Variants in CAMK1D observed in about 807,000 individuals in gnomAD.
The protein encoded by CAMK1D is calcium/calmodulin dependent protein kinase ID, also known as calcium/calmodulin-dependent protein kinase type 1D.
A neutral mutation model predicts 47.7 loss-of-function variants in CAMK1D; 9 were observed. The observed-to-expected ratio is 0.19, with a 90% CI of 0.11 to 0.33. CAMK1D has a LOEUF of 0.33. Among genes scored for constraint, CAMK1D ranks in the 10% least tolerant of loss-of-function variants. The pLI, the probability that CAMK1D is intolerant of heterozygous loss-of-function variation, is 1.00. For synonymous variants in CAMK1D, 184 were observed against 184.9 expected (o/e 0.99, Z 0.04); for missense variants, 291 against 488.7 (o/e 0.60, Z 3.81).
intron 2 of CAMK1D, among the ~76,000 whole-genome samples, chr10:12,595,565 G>A (rs1362418533): frequency 6.6e-6 from 1 of 151,954 alleles, no homozygotes; most frequent in Non-Finnish European, 1.5e-5. Flanking sequence ...TGTCTTGATT[G>A]TATCTTTGCA....
intron 1 of CAMK1D, among the ~76,000 whole-genome samples, chr10:12,379,694 A>C (rs929143040): frequency 6.6e-6 from 1 of 152,128 alleles, no homozygotes; most frequent in African/African-American, 2.4e-5. Flanking sequence ...CGGAGGTTGC[A>C]GTGAGCCGAG....
chr10:12,729,070 C>T lies in CAMK1D; in HGVS notation c.300-31878C>T, dbSNP rs76164302. Among the ~76,000 whole-genome samples, 510 of 152,284 alleles carry T rather than the reference C, an allele frequency of 3.3e-3. 3 individuals carry two copies. Among genetic ancestry groups the T allele is most frequent in the Middle Eastern group, 0.027 (8 of 294 alleles). ...CCTTACTAAAGTTATTAATATTTGGCGTCATGCTGTCCTTTGTGCCTTCAT... is the reference window on the plus strand; with the variant it reads ...CCTTACTAAAGTTATTAATATTTGGTGTCATGCTGTCCTTTGTGCCTTCAT... On this transcript the variant is annotated intron_variant, in intron 3 of 10. Transcript: ENST00000619168.
intron 1 of CAMK1D, among the ~76,000 whole-genome samples, chr10:12,384,579 G>A (rs1838436383): frequency 6.6e-6 from 1 of 152,164 alleles, no homozygotes; most frequent in South Asian, 2.1e-4. Flanking sequence ...AGATAATTCA[G>A]TGATGGGAAG....
intron 3 of CAMK1D, among the ~76,000 whole-genome samples, chr10:12,740,960 GC>G (rs1835399532): frequency 6.6e-6 from 1 of 152,120 alleles, no homozygotes; most frequent in Non-Finnish European, 1.5e-5. Context: ...ATTTCCTTAA[GC>G]AAGGCAATTT....
At chr10:12,543,189 A>G (rs752609721) in intron 1 of CAMK1D, among the ~76,000 whole-genome samples, 39 of 152,230 alleles carry the variant, frequency 2.6e-4, no homozygotes, top group Non-Finnish European at 4.4e-4. Context: ...CCGGGATTAT[A>G]GGCACCCACC....
intron 5 of CAMK1D, among the ~76,000 whole-genome samples, chr10:12,776,740 T>G (rs1483241872): frequency 6.6e-6 from 1 of 152,208 alleles, no homozygotes; most frequent in East Asian, 1.9e-4. Context: ...CACGGCTTCT[T>G]TGCTGTTAGG....
intron 2 of CAMK1D, among the ~76,000 whole-genome samples, chr10:12,557,146 G>A (rs1297682242): frequency 6.6e-6 from 1 of 152,160 alleles, no homozygotes; most frequent in Non-Finnish European, 1.5e-5. Flanking sequence ...GCTGAACTTG[G>A]GGGTTGGGAG....
At chr10:12,523,305 C>T (rs1299818458) in intron 1 of CAMK1D, among the ~76,000 whole-genome samples, 8 of 151,710 alleles carry the variant, frequency 5.3e-5, no homozygotes, top group East Asian at 1.9e-4. Flanking sequence ...AGACGATGGG[C>T]GGCCAGGCAG....
rs1342061796 is a variant in CAMK1D at position 12,567,604 on chromosome 10, T to C, written c.224+14248T>C. Among the ~76,000 whole-genome samples the C allele has an allele frequency of 2.6e-5, 4 of 152,212 alleles. No individual in the cohort carries two copies. The East Asian group carries it at 7.7e-4, about 29-fold the overall frequency. ...GAAGTTTTCACGCAGGTGTTCAGTG[T>C]TCTTTCTAATGAGTTCTTGCTGGGT... On this transcript the variant is annotated intron_variant, in intron 2 of 10. Coordinates refer to ENST00000619168, the MANE Select transcript of CAMK1D (RefSeq NM_153498.4).
chr10:12,820,040 G>C (rs1211782978), intron 8 of CAMK1D, among the ~76,000 whole-genome samples: 1 of 152,170 alleles, frequency 6.6e-6, no homozygotes, highest in Non-Finnish European at 1.5e-5. Flanking sequence ...GTTCAGCCTG[G>C]GCCACGCTGC....
chr10:12,725,955 T>TGTCTATA (rs1834610332), intron 3 of CAMK1D, among the ~76,000 whole-genome samples: 1 of 151,856 alleles, frequency 6.6e-6, no homozygotes, highest in Admixed American at 6.6e-5. Flanking sequence ...CGGGGCTTCC[T>TGTCTATA]CATGTTGGCC....
At chr10:12,367,082 C>G (rs186896412) in intron 1 of CAMK1D, among the ~76,000 whole-genome samples, 1 of 152,190 alleles carries the variant, frequency 6.6e-6, no homozygotes, top group East Asian at 1.9e-4. Context: ...TGAGACCTGA[C>G]GCCACAGACT....
chr10:12,363,362 C>A (rs547569437), intron 1 of CAMK1D, among the ~76,000 whole-genome samples: 41 of 152,116 alleles, frequency 2.7e-4, no homozygotes, highest in African/African-American at 9.6e-4. Flanking sequence ...TCCAGCAATT[C>A]TCCTGCCTCA....
In CAMK1D at chr10:12,678,285, C is replaced by A. The variant is rs376413751; in HGVS notation, c.299+11475C>A. Reference sequence around the variant, plus strand: ...TAATAGTATGTTAATTTCTGTCTGTCCCTGAATTGTTTAGTTTTCCTTCTA... The same window carrying A: ...TAATAGTATGTTAATTTCTGTCTGTACCTGAATTGTTTAGTTTTCCTTCTA... On this transcript the variant is annotated intron_variant, in intron 3 of 10. Coordinates refer to ENST00000619168, the MANE Select transcript of CAMK1D (RefSeq NM_153498.4). Among the ~76,000 whole-genome samples, 17 of 152,182 alleles carry A rather than the reference C, an allele frequency of 1.1e-4. No individual in the cohort carries two copies. In the East Asian group the frequency reaches 2.9e-3, roughly 26 times the overall value.
rs542867619 is a variant in CAMK1D at position 12,699,675 on chromosome 10, T to A, written c.299+32865T>A. Among the ~76,000 whole-genome samples the A allele has an allele frequency of 4.6e-5, 7 of 152,118 alleles. No homozygotes were observed. The South Asian group carries it at 1.5e-3, about 32-fold the overall frequency. ...AAAAAAAAAAACAAGATGATTTTTT[T>A]TTTCCTTGCTGATTGATGAGGACGG... On this transcript the variant is annotated intron_variant, in intron 3 of 10. Transcript: ENST00000619168.
intron 2 of CAMK1D, among the ~76,000 whole-genome samples, chr10:12,582,143 C>T (rs1242332999): frequency 6.6e-6 from 1 of 152,046 alleles, no homozygotes; most frequent in Non-Finnish European, 1.5e-5. Flanking sequence ...GTTGAATAGG[C>T]TGTCATTTCC....
At chr10:12,565,450 C>T (rs1017425302) in intron 2 of CAMK1D, among the ~76,000 whole-genome samples, 3 of 152,090 alleles carry the variant, frequency 2.0e-5, no homozygotes, top group African/African-American at 7.2e-5. Flanking sequence ...GACGGGGTTT[C>T]ACCATGTTGG....
chr10:12,631,180 G>A (rs1190715202), intron 2 of CAMK1D, among the ~76,000 whole-genome samples: 7 of 152,134 alleles, frequency 4.6e-5, no homozygotes, highest in African/African-American at 1.2e-4. Flanking sequence ...GGAGGGTGGC[G>A]CTGCTTAGGA....
chr10:12,766,826 GAC>G (rs1836787011), intron 4 of CAMK1D, among the ~76,000 whole-genome samples: 1 of 152,150 alleles, frequency 6.6e-6, no homozygotes. Context: ...GACCGGCTAA[GAC>G]AGGGCTGCGC....
Sources: allele counts gnomAD v4.1 joint callset (sites outside exome capture counted in the v4.1 genomes callset), GRCh38; gene constraint gnomAD v4.1.1; transcripts MANE v1.5; gene names NCBI Gene and HGNC (gene_info 2026-07-23, HGNC 2026-07-21).